Variants in STIM2 observed in about 807,000 individuals in gnomAD.
STIM2 encodes stromal interaction molecule 2.
Under a neutral mutation model 85.8 loss-of-function variants are expected in STIM2, and 31 were observed. That is an observed-to-expected ratio of 0.36 (90% CI 0.27 to 0.49). The LOEUF (loss-of-function observed/expected upper bound fraction) is 0.49. STIM2 is among the 20% of genes least tolerant of loss of function. STIM2 has a pLI of 0.98. For missense variants in STIM2, 841 were observed against 927.6 expected (o/e 0.91, Z 1.21); for synonymous variants, 356 against 331.1 (o/e 1.08, Z -0.82).
chr4:26,959,789 A>G (rs904916654), intron 3 of STIM2, among the ~76,000 whole-genome samples: 9 of 151,912 alleles, frequency 5.9e-5, no homozygotes, highest in African/African-American at 2.2e-4. Flanking sequence ...CTTTCACCTT[A>G]ATCTGAGATC....
intron 3 of STIM2, among the ~76,000 whole-genome samples, chr4:26,961,430 A>T (rs1726464365): frequency 6.6e-6 from 1 of 152,226 alleles, no homozygotes; most frequent in Non-Finnish European, 1.5e-5. Flanking sequence ...CTAGTGGCAC[A>T]TAAAGTAATT....
At chr4:26,971,182 A>G (rs1189774378) in intron 3 of STIM2, among the ~76,000 whole-genome samples, 1 of 151,994 alleles carries the variant, frequency 6.6e-6, no homozygotes, top group Non-Finnish European at 1.5e-5. Flanking sequence ...ATTTTCTCTC[A>G]TTTTGTAGGT....
At chr4:26,955,784 A>T (rs1726218473) in intron 2 of STIM2, among the ~76,000 whole-genome samples, 1 of 125,568 alleles carries the variant, frequency 8.0e-6, no homozygotes. Flanking sequence ...CATATTTATC[A>T]TATGCTCGGC....
chr4:26,922,813 A>T (rs1444345302), intron 2 of STIM2, among the ~76,000 whole-genome samples: 1 of 152,186 alleles, frequency 6.6e-6, no homozygotes, highest in Non-Finnish European at 1.5e-5. Context: ...GCATAAACTC[A>T]GGTTGGTGGA....
intron 3 of STIM2, among the ~76,000 whole-genome samples, chr4:26,970,908 T>C (rs1726923846): frequency 6.6e-6 from 1 of 152,146 alleles, no homozygotes; most frequent in Admixed American, 6.5e-5. Context: ...GCATCTGTTG[T>C]TTCCTGACTT....
intron 1 of STIM2, among the ~76,000 whole-genome samples, chr4:26,900,978 A>T (rs1723897385): frequency 6.6e-6 from 1 of 152,168 alleles, no homozygotes; most frequent in South Asian, 2.1e-4. Flanking sequence ...GGCACAGCAC[A>T]TATTTCAGTT....
intron 2 of STIM2, among the ~76,000 whole-genome samples, chr4:26,937,266 C>A (rs532860580): frequency 9.9e-5 from 15 of 152,178 alleles, no homozygotes; most frequent in African/African-American, 3.6e-4. Context: ...ACAAGAATTT[C>A]CTATTAAACA....
At chr4:26,902,212 A>G (rs995500324) in intron 1 of STIM2, among the ~76,000 whole-genome samples, 4 of 152,158 alleles carry the variant, frequency 2.6e-5, no homozygotes, top group Non-Finnish European at 4.4e-5. Context: ...GGGAGAAGGG[A>G]TGAGGTTGTT....
chr4:26,937,640 G>A (rs539695635), intron 2 of STIM2, among the ~76,000 whole-genome samples: 2 of 151,990 alleles, frequency 1.3e-5, no homozygotes, highest in Non-Finnish European at 2.9e-5. Flanking sequence ...ATCCCAACTG[G>A]CATTTTTTCT....
At chr4:26,967,630 C>G (rs1726772380) in intron 3 of STIM2, among the ~76,000 whole-genome samples, 1 of 152,134 alleles carries the variant, frequency 6.6e-6, no homozygotes, top group South Asian at 2.1e-4. Flanking sequence ...TATTGTGAAT[C>G]CTGTGACTGA....
At chr4:26,903,562 C>T (rs1282497514) in intron 1 of STIM2, among the ~76,000 whole-genome samples, 4 of 151,856 alleles carry the variant, frequency 2.6e-5, no homozygotes, top group African/African-American at 9.7e-5. Context: ...GAGACAAGAG[C>T]ATAAAATTAT....
At chr4:26,939,372 T>C (rs1249621347) in intron 2 of STIM2, among the ~76,000 whole-genome samples, 1 of 152,182 alleles carries the variant, frequency 6.6e-6, no homozygotes, top group East Asian at 1.9e-4. Context: ...GGGTCTGGCC[T>C]GATATTGTTC....
intron 6 of STIM2, 44 bp downstream of exon 6, chr4:27,002,438 A>G (rs764333248): frequency 1.1e-5 from 16 of 1,503,780 alleles, no homozygotes; most frequent in African/African-American, 4.2e-5. Flanking sequence ...GGCAAATACA[A>G]TTTGTAAAAA....
At chr4:26,913,308 A>G (rs1260410575) in intron 1 of STIM2, among the ~76,000 whole-genome samples, 4 of 151,914 alleles carry the variant, frequency 2.6e-5, no homozygotes, top group Admixed American at 2.0e-4. Context: ...TACTATGTAT[A>G]GTAACTATAC....
At chr4:27,002,185 A>G (rs930312662) in intron 5 of STIM2, 32 bp from the exon 6 acceptor site, 1 of 1,550,834 alleles carries the variant, frequency 6.4e-7, no homozygotes, top group Admixed American at 2.1e-5. Flanking sequence ...ATACTCAAAG[A>G]TTAATTTAAT....
chr4:26,942,599 A>G (rs1341570972), intron 2 of STIM2, among the ~76,000 whole-genome samples: 2 of 152,112 alleles, frequency 1.3e-5, no homozygotes, highest in African/African-American at 4.8e-5. Flanking sequence ...GTGGCTATGC[A>G]GTGTTCAGTT....
rs766560512 is a variant in STIM2 at position 27,023,024 on chromosome 4, A to G, written c.*28A>G. 34 of 1,590,188 alleles carry G rather than the reference A, an allele frequency of 2.1e-5. No homozygotes were observed. The highest frequency in any genetic ancestry group is 2.9e-5 in the Non-Finnish European group (34 of 1,170,500). Reference sequence around the variant, plus strand: ...TGGCTGACTTGATGGAATCATGTTCAAGTGGCATCTGTAAACTATTATCCC... The same window carrying G: ...TGGCTGACTTGATGGAATCATGTTCGAGTGGCATCTGTAAACTATTATCCC... On this transcript the variant is annotated 3_prime_UTR_variant, in exon 12 of 12. Coordinates refer to ENST00000467087, the MANE Select transcript of STIM2 (RefSeq NM_020860.4).
chr4:26,968,742 CA>C (rs1726823746), intron 3 of STIM2, among the ~76,000 whole-genome samples: 1 of 152,054 alleles, frequency 6.6e-6, no homozygotes, highest in South Asian at 2.1e-4. Flanking sequence ...AAAGTAGAAA[CA>C]GTGGGTGACC....
intron 2 of STIM2, among the ~76,000 whole-genome samples, chr4:26,942,430 G>A (rs905543327): frequency 6.6e-6 from 1 of 151,904 alleles, no homozygotes; most frequent in African/African-American, 2.4e-5. Flanking sequence ...TCTCCCTTTG[G>A]TTATTGCCTC....
Sources: gnomAD v4.1 joint callset for allele counts (sites outside exome capture counted in the v4.1 genomes callset) on GRCh38, gnomAD v4.1.1 for gene constraint, MANE v1.5 for transcripts, NCBI Gene and HGNC (gene_info 2026-07-23, HGNC 2026-07-21) for gene names.